MYO3B: variants seen among roughly 807,000 people sequenced by gnomAD.
MYO3B encodes the protein myosin IIIB.
A neutral mutation model predicts 174.6 loss-of-function variants in MYO3B; 156 were observed. The ratio of observed to expected loss-of-function variants is 0.89; its 90% CI spans 0.78 to 1.02. The LOEUF is 1.02. MYO3B is among the 50% of genes least tolerant of loss of function. MYO3B has a pLI of 0.00. For synonymous variants in MYO3B, 563 were observed against 569.1 expected (o/e 0.99, Z 0.15); for missense variants, 1,632 against 1,639.4 (o/e 1.00, Z 0.08).
rs552819633 is a variant in MYO3B at position 170,199,098 on chromosome 2, A to G, written c.3-110A>G. 189 of 701,768 alleles carry G rather than the reference A, an allele frequency of 2.7e-4. 7 individuals are homozygous for G. In the South Asian group the frequency reaches 7.3e-3, roughly 27 times the overall value. The allele number at this position is 701,768 out of a possible 1,614,324, so 43.5% of individuals were successfully genotyped here. A position where few individuals can be genotyped will look rare whatever the true frequency, so the allele number is the denominator to read the frequency against. The stretch of plus-strand genomic sequence containing the variant: ...TTTATTTACAATAGAGGAAGAAAAT[A>G]AAAAGTAACATGAGGTTGCTGGTTA... On this transcript the variant is annotated intron_variant, in intron 1 of 34. Transcript: ENST00000408978.
At chr2:170,369,134 C>CAAA (rs2094220090) in intron 8 of MYO3B, 88 bp from the exon 9 acceptor site, 1 of 1,243,626 alleles carries the variant, frequency 8.0e-7, no homozygotes, top group African/African-American at 1.5e-5. Context: ...TATAAATGAG[C>CAAA]TTTTACCTTC....
At chr2:170,430,237 AT>A (rs2094698344) in intron 22 of MYO3B, among the ~76,000 whole-genome samples, 1 of 152,102 alleles carries the variant, frequency 6.6e-6, no homozygotes, top group South Asian at 2.1e-4. Flanking sequence ...ATTTCAAAGT[AT>A]GAATAACATG....
At chr2:170,293,073 C>T (rs1323311568) in intron 7 of MYO3B, among the ~76,000 whole-genome samples, 1 of 152,104 alleles carries the variant, frequency 6.6e-6, no homozygotes, top group Non-Finnish European at 1.5e-5. Flanking sequence ...AAGTCCAACT[C>T]TTTCACTGTT....
intron 23 of MYO3B, 119 bp from the exon 24 acceptor site, chr2:170,463,249 G>A: frequency 1.4e-6 from 1 of 723,220 alleles, no homozygotes; most frequent in Non-Finnish European, 2.4e-6. Flanking sequence ...ACACTATTGT[G>A]TCCTAAATAC....
At chr2:170,581,356 C>T (rs566604516) in intron 32 of MYO3B, among the ~76,000 whole-genome samples, 18 of 152,154 alleles carry the variant, frequency 1.2e-4, no homozygotes, top group African/African-American at 4.3e-4. Context: ...AGAATTATTT[C>T]TATATTGTGG....
At chr2:170,460,151 G>A (rs1224923847) in intron 23 of MYO3B, among the ~76,000 whole-genome samples, 9 of 152,110 alleles carry the variant, frequency 5.9e-5, no homozygotes, top group East Asian at 1.9e-4. Flanking sequence ...GAGAGTAAGC[G>A]AGGGCTGCTA....
chr2:170,560,724 C>G (rs1462869265), intron 32 of MYO3B, among the ~76,000 whole-genome samples: 1 of 152,130 alleles, frequency 6.6e-6, no homozygotes, highest in Non-Finnish European at 1.5e-5. Context: ...CTGGGTTCTC[C>G]CAATGGATAC....
rs201309976 is a variant in MYO3B at position 170,501,862 on chromosome 2, G to T, written c.3367G>T (p.Ala1123Ser). 8.7e-5 allele frequency: 139 copies of T among 1,604,702 alleles called. No individual in the cohort carries two copies. The African/African-American group carries it at 1.8e-3, about 21-fold the overall frequency. Residue 1123 changes from alanine (A) to serine (S), a missense_variant, in exon 28 of 35, where the codon GCA (alanine) becomes TCA (serine). By Grantham distance (99) the Ala-to-Ser change is moderately conservative. Transcript: ENST00000408978. Reference protein sequence around the residue: ...RRNESAAHNQAGDTSNQSSGP... With the variant: ...RRNESAAHNQSGDTSNQSSGP... ...GAATGAGTCTGCTGCTCATAATCAAGCAGGTAATTAAAACATCATTTTCAC... is the reference window on the plus strand; with the variant it reads ...GAATGAGTCTGCTGCTCATAATCAATCAGGTAATTAAAACATCATTTTCAC...
chr2:170,392,147 G>C (rs2094416529), intron 15 of MYO3B, among the ~76,000 whole-genome samples: 2 of 145,410 alleles, frequency 1.4e-5, no homozygotes, highest in African/African-American at 5.0e-5. Flanking sequence ...AAAAAAATTA[G>C]CTGGGTGTGG....
At chr2:170,338,856 G>A (rs959733748) in intron 8 of MYO3B, among the ~76,000 whole-genome samples, 1 of 152,156 alleles carries the variant, frequency 6.6e-6, no homozygotes, top group African/African-American at 2.4e-5. Context: ...GCCCACCTCA[G>A]CCTCCCAAAG....
chr2:170,330,386 T>C (rs774612436), intron 7 of MYO3B, among the ~76,000 whole-genome samples: 5 of 152,248 alleles, frequency 3.3e-5, no homozygotes, highest in African/African-American at 9.6e-5. Context: ...GTGAGGTATA[T>C]GGGCATTGGA....
chr2:170,189,460 G>T (rs1432743194), intron 1 of MYO3B, among the ~76,000 whole-genome samples: 1 of 151,800 alleles, frequency 6.6e-6, no homozygotes, highest in Non-Finnish European at 1.5e-5. Flanking sequence ...TTAACTCTTA[G>T]ATTTGCCCTT....
chr2:170,512,041 C>T (rs1030150389), intron 28 of MYO3B, among the ~76,000 whole-genome samples: 1 of 152,196 alleles, frequency 6.6e-6, no homozygotes, highest in African/African-American at 2.4e-5. Flanking sequence ...GAAAACTTCC[C>T]TCCTTGGCTT....
At chr2:170,417,130 C>T (rs1411662929) in intron 22 of MYO3B, among the ~76,000 whole-genome samples, 1 of 152,168 alleles carries the variant, frequency 6.6e-6, no homozygotes, top group African/African-American at 2.4e-5. Context: ...GGGTCCATCT[C>T]TTTCTTCTGA....
At chr2:170,600,338 C>T (rs1355708840) in intron 32 of MYO3B, among the ~76,000 whole-genome samples, 1 of 152,006 alleles carries the variant, frequency 6.6e-6, no homozygotes, top group African/African-American at 2.4e-5. Flanking sequence ...ACAATAATCT[C>T]GAAAACCACA....
intron 32 of MYO3B, among the ~76,000 whole-genome samples, chr2:170,615,354 A>G (rs749273888): frequency 6.6e-6 from 1 of 152,258 alleles, no homozygotes; most frequent in Non-Finnish European, 1.5e-5. Flanking sequence ...AATCACTTGT[A>G]TAGAAGGTGA....
At chr2:170,320,609 T>C (rs6739272) in intron 7 of MYO3B, among the ~76,000 whole-genome samples, 148,589 of 152,096 alleles carry the variant, frequency 0.98, 72,661 homozygotes, top group East Asian at 1. Flanking sequence ...AGATATCGAT[T>C]GGTATACACT....
In MYO3B at chr2:170,335,428, G is replaced by A; in HGVS notation, c.793G>A (p.Glu265Lys). The A allele has an allele frequency of 6.2e-7, 1 of 1,612,274 alleles. No homozygotes were observed. The highest frequency in any genetic ancestry group is 8.5e-7 in the Non-Finnish European group (1 of 1,179,100). ...ACTTCATCCAGAAAAATGGTGTGAA[G>A]AATTCAACCACTTTATTTCACAGTG... ...TLLHPEKWCE[E>K]FNHFISQCLI... The change falls in exon 8 of 35, where the codon GAA becomes AAA. Residue 265 changes from glutamate to lysine, a missense_variant. Physicochemically the swap from Glu to Lys is moderately conservative, Grantham distance 56. Coordinates refer to ENST00000408978, the MANE Select transcript of MYO3B (RefSeq NM_138995.5).
chr2:170,316,727 C>T (rs2093778278), intron 7 of MYO3B, among the ~76,000 whole-genome samples: 1 of 152,194 alleles, frequency 6.6e-6, no homozygotes, highest in Non-Finnish European at 1.5e-5. Context: ...GTATCTATAA[C>T]TCAGTCGATA....
Sources: allele counts gnomAD v4.1 joint callset (sites outside exome capture counted in the v4.1 genomes callset), GRCh38; gene constraint gnomAD v4.1.1; transcripts MANE v1.5; gene names NCBI Gene and HGNC (gene_info 2026-07-23, HGNC 2026-07-21).